The following SLC35B4 variants were observed in gnomAD, a reference collection of about 807,000 sequenced individuals.
The protein encoded by SLC35B4 is solute carrier family 35 member B4.
Under a neutral mutation model 39.5 loss-of-function variants are expected in SLC35B4, and 28 were observed. The ratio of observed to expected loss-of-function variants is 0.71; its 90% CI spans 0.53 to 0.97. The LOEUF is 0.97. SLC35B4 is among the 50% of genes least tolerant of loss of function. The pLI is 0.00. For missense variants in SLC35B4, 334 were observed against 414.3 expected (o/e 0.81, Z 1.68); for synonymous variants, 145 against 150.4 (o/e 0.96, Z 0.26).
intron 1 of SLC35B4, 109 bp from the exon 2 acceptor site, chr7:134,309,588 T>C: frequency 1.4e-6 from 1 of 710,618 alleles, no homozygotes; most frequent in South Asian, 1.6e-5. Context: ...TGGATTTCAA[T>C]TACCCACTGT....
chr7:134,316,927 C>T lies in SLC35B4; in HGVS notation c.-176G>A, dbSNP rs537144273. On this transcript the variant is annotated 5_prime_UTR_variant, in exon 1 of 10. Coordinates refer to ENST00000378509, the MANE Select transcript of SLC35B4 (RefSeq NM_032826.5). ...CTCCCGCGGCCAACACCGACGCTGC[C>T]AAGAAGCTGTAGTTCGCAGTCAGCT... 1.8e-4 allele frequency: 109 copies of T among 614,446 alleles called. No homozygotes were observed. The highest frequency in any genetic ancestry group is 1.5e-3 in the African/African-American group (79 of 53,324). 38.1% of individuals were successfully genotyped at this position (614,446 alleles called of 1,614,324 possible). A position where few individuals can be genotyped will look rare whatever the true frequency, so the allele number is the denominator to read the frequency against.
chr7:134,311,643 A>G (rs911050279), intron 1 of SLC35B4, among the ~76,000 whole-genome samples: 1 of 152,184 alleles, frequency 6.6e-6, no homozygotes, highest in Non-Finnish European at 1.5e-5. Flanking sequence ...TGACAAAGCA[A>G]GACTCTTGTC....
chr7:134,306,389 G>C (rs1048937076), intron 3 of SLC35B4, among the ~76,000 whole-genome samples: 2 of 152,028 alleles, frequency 1.3e-5, no homozygotes, highest in African/African-American at 4.8e-5. Flanking sequence ...TAAAATCAAA[G>C]AGATGAGGGA....
upstream of SLC35B4, among the ~76,000 whole-genome samples, chr7:134,319,995 C>T (rs1804067818): frequency 6.6e-6 from 1 of 152,172 alleles, no homozygotes; most frequent in Non-Finnish European, 1.5e-5. Flanking sequence ...TCCCTGCTGC[C>T]TCCAGGCTGA....
chr7:134,302,086 G>A lies in SLC35B4; in HGVS notation c.369C>T (p.Ser123=). The part of the protein sequence containing the change: ...KKRYSIFKYT[S]IALVSVGIFI... ...ATATCCCCACAGACACCAGGGCAAT[G>A]GAGGTATATTTGAATATACTGTATC... The change falls in exon 5 of 10, where the codon TCC becomes TCT. Residue 123 remains serine, a synonymous_variant. Transcript: ENST00000378509. 1 of 1,613,734 alleles carries A rather than the reference G, an allele frequency of 6.2e-7. No individual in the cohort carries two copies. The highest frequency in any genetic ancestry group is 8.5e-7 in the Non-Finnish European group (1 of 1,179,898).
intron 1 of SLC35B4, among the ~76,000 whole-genome samples, chr7:134,314,249 G>A (rs367879368): frequency 1.3e-5 from 2 of 152,152 alleles, no homozygotes; most frequent in East Asian, 3.9e-4. Flanking sequence ...CCCTACAAGT[G>A]TGCTTTAGGC....
chr7:134,316,970 A>AG (rs1352978879), upstream of SLC35B4: 2 of 563,304 alleles, frequency 3.6e-6, no homozygotes, highest in Non-Finnish European at 6.3e-6. Context: ...CATTCATCCG[A>AG]GGGGGCGTCC....
In SLC35B4 at chr7:134,289,656, TG is replaced by T. The variant is rs1803292519; in HGVS notation, c.*5176del. On this transcript the variant is annotated 3_prime_UTR_variant, in exon 10 of 10. Coordinates refer to ENST00000378509, the MANE Select transcript of SLC35B4 (RefSeq NM_032826.5). ...TTTTTTGGAGAATGAGGCCATTCTC[TG>T]GAATGAAAGCAACTGGCACAGAAAT... is the stretch of plus-strand genomic sequence containing the variant. 1 of 152,558 alleles carries T rather than the reference TG, an allele frequency of 6.6e-6. No individual in the cohort carries two copies. Among genetic ancestry groups the T allele is most frequent in the Non-Finnish European group, 1.5e-5 (1 of 68,028 alleles). The allele number at this position is 152,558 out of a possible 1,614,324, so 9.5% of individuals were successfully genotyped here. A position where few individuals can be genotyped will look rare whatever the true frequency, so the allele number is the denominator to read the frequency against.
chr7:134,301,144 A>G (rs1901204), intron 6 of SLC35B4, among the ~76,000 whole-genome samples: 68,715 of 152,096 alleles, frequency 0.45, 15,763 homozygotes, highest in South Asian at 0.53. Flanking sequence ...TTTCACTGCT[A>G]TTTCTCTTCC....
At chr7:134,302,131 A>G (rs1326435910) in intron 4 of SLC35B4, 21 bp from the exon 5 acceptor site, 2 of 1,584,294 alleles carry the variant, frequency 1.3e-6, no homozygotes, top group Middle Eastern at 1.7e-4. Context: ...GAAAAAAAAG[A>G]AGAAAAACAC....
chr7:134,298,533 C>A (rs541585971), intron 8 of SLC35B4, among the ~76,000 whole-genome samples: 14 of 152,314 alleles, frequency 9.2e-5, no homozygotes, highest in Middle Eastern at 3.4e-3. Flanking sequence ...ACAACTAAAT[C>A]AATCACATGG....
intron 2 of SLC35B4, among the ~76,000 whole-genome samples, chr7:134,307,086 T>C (rs1403819617): frequency 6.6e-6 from 1 of 152,226 alleles, no homozygotes; most frequent in East Asian, 1.9e-4. Flanking sequence ...CTGAAGAACT[T>C]GAAAATGGCT....
chr7:134,314,453 T>G (rs1233430928), intron 1 of SLC35B4, among the ~76,000 whole-genome samples: 1 of 152,262 alleles, frequency 6.6e-6, no homozygotes, highest in African/African-American at 2.4e-5. Flanking sequence ...AGATTTAATT[T>G]AATGGCATAT....
At chr7:134,296,131 A>G (rs533461673) in intron 9 of SLC35B4, among the ~76,000 whole-genome samples, 1 of 152,302 alleles carries the variant, frequency 6.6e-6, no homozygotes, top group African/African-American at 2.4e-5. Flanking sequence ...ACCCGCCACT[A>G]TCAATCAATG....
Position 134,299,549 on chromosome 7 carries a change from T to A in SLC35B4, c.647A>T (p.Asp216Val), listed in dbSNP as rs750322229. ...AGACTTATTGAATAGAACTGCATGG[T>A]CATAAATATCAGAAGCCAAGAAGAC... ...GFVFLASDIY[D>V]HAVLFNKSEL... Residue 216 changes from aspartate to valine, a missense_variant, in exon 8 of 10, where the codon GAC becomes GTC. Physicochemically the swap from Asp to Val is radical, Grantham distance 152. Coordinates refer to ENST00000378509, the MANE Select transcript of SLC35B4 (RefSeq NM_032826.5). The A allele has an allele frequency of 1.2e-6, 2 of 1,613,844 alleles. No homozygotes were observed. The highest frequency in any genetic ancestry group is 1.7e-6 in the Non-Finnish European group (2 of 1,179,918).
At chr7:134,300,528 A>G (rs1450197984) in intron 6 of SLC35B4, among the ~76,000 whole-genome samples, 1 of 152,108 alleles carries the variant, frequency 6.6e-6, no homozygotes, top group Admixed American at 6.5e-5. Context: ...TTTTTTCATG[A>G]GCTTTTGCCT....
At position 134,296,423 on chromosome 7, in the gene SLC35B4, CAT is replaced by C; in HGVS notation, c.715_716del (p.Met239ValfsTer84). The C allele has an allele frequency of 6.2e-7, 1 of 1,614,076 alleles. No individual in the cohort carries two copies. The highest frequency in any genetic ancestry group is 8.5e-7 in the Non-Finnish European group (1 of 1,179,980). On this transcript the variant is annotated frameshift_variant, in exon 9 of 10. Transcript: ENST00000378509. LOFTEE classifies it high-confidence loss of function. ...IPVIGVTLPIMWFYLLMNIIT... is the reference protein window; with the variant it reads ...IPVIGVTLPIXWFYLLMNIIT... ...TGATGTTCATGAGGAGGTAGAACCA[CAT>C]GATGGGCAGGGTCACTCCGATGACG...
intron 6 of SLC35B4, among the ~76,000 whole-genome samples, chr7:134,301,148 C>T (rs534980792): frequency 1.3e-5 from 2 of 152,340 alleles, no homozygotes; most frequent in African/African-American, 4.8e-5. Flanking sequence ...ACTGCTATTT[C>T]TCTTCCAATT....
At chr7:134,306,912 T>C (rs1184243156) in intron 2 of SLC35B4, 138 bp from the exon 3 acceptor site, 14 of 616,510 alleles carry the variant, frequency 2.3e-5, no homozygotes, top group East Asian at 5.7e-5. Context: ...TATTATGCCA[T>C]GTCAACTACT....
Sources: allele counts gnomAD v4.1 joint callset (sites outside exome capture counted in the v4.1 genomes callset), GRCh38; gene constraint gnomAD v4.1.1; transcripts MANE v1.5; gene names NCBI Gene and HGNC (gene_info 2026-07-23, HGNC 2026-07-21).